Variants in RBM33 observed in about 807,000 individuals in gnomAD.
RBM33 encodes the protein RNA binding motif protein 33, also known as RNA-binding protein 33.
Under a neutral mutation model 132.6 loss-of-function variants are expected in RBM33, and 28 were observed. That is an observed-to-expected ratio of 0.21 (90% CI 0.16 to 0.29). The LOEUF (loss-of-function observed/expected upper bound fraction) is 0.29, where lower values mean the gene tolerates loss of function less well. Ranked by LOEUF, RBM33 falls within the 10% of genes least tolerant of loss-of-function variation. The probability of loss-of-function intolerance (pLI) is 1.00; values close to 1 mark genes in which losing one functional copy is unlikely to be tolerated. For missense variants in RBM33, 1,291 were observed against 1,518.5 expected, an observed-to-expected ratio of 0.85 and a Z score of 2.49; for synonymous variants, 634 against 593.0, an observed-to-expected ratio of 1.07 and a Z score of -1.01.
chr7:155,650,692 G>C (rs1026049900), intron 1 of RBM33, among the ~76,000 whole-genome samples: 2 of 152,116 alleles, frequency 1.3e-5, no homozygotes, highest in African/African-American at 4.8e-5. Flanking sequence ...AGAGCCATTT[G>C]GGTCTGGTTC....
intron 1 of RBM33, among the ~76,000 whole-genome samples, chr7:155,660,557 T>C (rs1798612702): frequency 6.6e-6 from 1 of 152,206 alleles, no homozygotes; most frequent in Non-Finnish European, 1.5e-5. Flanking sequence ...TTTGAGCACT[T>C]TGAATAGGTC....
intron 1 of RBM33, among the ~76,000 whole-genome samples, chr7:155,654,857 C>T (rs1045048857): frequency 2.0e-5 from 3 of 151,938 alleles, no homozygotes; most frequent in Admixed American, 2.0e-4. Context: ...TTTATTTGTC[C>T]TCACATTATA....
chr7:155,672,567 C>T (rs1798971434), intron 2 of RBM33, among the ~76,000 whole-genome samples: 1 of 152,018 alleles, frequency 6.6e-6, no homozygotes, highest in African/African-American at 2.4e-5. Flanking sequence ...CCAGCCTGGC[C>T]AACATGGTGA....
intron 14 of RBM33, among the ~76,000 whole-genome samples, chr7:155,763,562 C>G (rs1683873077): frequency 6.6e-6 from 1 of 152,186 alleles, no homozygotes; most frequent in Admixed American, 6.5e-5. Flanking sequence ...AATCGCAGAT[C>G]TCTTATATGA....
At chr7:155,770,824 G>A (rs567913720) in intron 16 of RBM33, among the ~76,000 whole-genome samples, 19 of 152,306 alleles carry the variant, frequency 1.2e-4, no homozygotes, top group African/African-American at 4.3e-4. Context: ...GGGAAAAGAG[G>A]CGGGTTCTGA....
chr7:155,739,592 A>G (rs913212816), intron 11 of RBM33, 123 bp from the exon 12 acceptor site: 25 of 1,074,654 alleles, frequency 2.3e-5, no homozygotes, highest in African/African-American at 1.9e-4. Flanking sequence ...CAAGTCTAAA[A>G]TGAAGTTTTG....
chr7:155,671,009 T>C (rs558642227), intron 2 of RBM33, among the ~76,000 whole-genome samples: 1 of 152,352 alleles, frequency 6.6e-6, no homozygotes, highest in Admixed American at 6.5e-5. Context: ...TTTATGACTT[T>C]GTCAGTTTGC....
In RBM33 at chr7:155,737,631, G is replaced by A. The variant is rs548110085; in HGVS notation, c.1362G>A (p.Pro454=). The A allele has an allele frequency of 1.2e-4, 106 of 854,528 alleles. 2 individuals carry two copies. The highest frequency in any genetic ancestry group is 4.9e-4 in the South Asian group (32 of 64,798). The allele number at this position is 854,528 out of a possible 1,614,324, so 52.9% of individuals were successfully genotyped here. The change falls in exon 10 of 18, where the codon CCG becomes CCA. Residue 454 remains proline, a synonymous_variant. Transcript: ENST00000401878. ...AGGACCAGTGGAGAGCCCCACCCCC[G>A]CCTCAGGATCGAGACCCTTTCTTCT... ...PLQDQWRAPP[P]PQDRDPFFLG...
At chr7:155,657,914 C>T (rs951431452) in intron 1 of RBM33, among the ~76,000 whole-genome samples, 21 of 152,194 alleles carry the variant, frequency 1.4e-4, no homozygotes, top group African/African-American at 3.1e-4. Flanking sequence ...AGTGCATCCT[C>T]TACATTTAAA....
At chr7:155,714,135 G>T (rs1446057527) in intron 8 of RBM33, among the ~76,000 whole-genome samples, 2 of 152,024 alleles carry the variant, frequency 1.3e-5, no homozygotes, top group Non-Finnish European at 2.9e-5. Context: ...TGGATTTGAG[G>T]TGAGGGCAGT....
At position 155,738,128 on chromosome 7, in the gene RBM33, C is replaced by T; in HGVS notation, c.1462C>T (p.Pro488Ser). Residue 488 changes from proline to serine, a missense_variant, in exon 11 of 18, where the codon CCT becomes TCT. This residue lies in a region of RBM33 where 841 missense variants were observed against 912.0 expected (regional missense o/e 0.92). Transcript: ENST00000401878. ...EQRSPPPPPP[P>S]PTLLNSSHPV... is the part of the protein sequence containing the mutation. Reference sequence around the variant, plus strand: ...GCGAAGTCCCCCTCCACCACCACCGCCTCCTACCCTTCTTAACAGTAGCCA... The same window carrying T: ...GCGAAGTCCCCCTCCACCACCACCGTCTCCTACCCTTCTTAACAGTAGCCA... 6.2e-7 allele frequency: 1 copy of T among 1,613,976 alleles called. No homozygotes were observed. Among genetic ancestry groups the T allele is most frequent in the Non-Finnish European group, 8.5e-7 (1 of 1,179,892 alleles).
intron 15 of RBM33, among the ~76,000 whole-genome samples, chr7:155,766,048 A>ATGCT (rs1406752294): frequency 2.0e-5 from 3 of 152,176 alleles, no homozygotes; most frequent in African/African-American, 7.2e-5. Flanking sequence ...TGTGCACAGC[A>ATGCT]GGTCCTGCTT....
intron 14 of RBM33, among the ~76,000 whole-genome samples, chr7:155,762,013 C>T (rs560128201): frequency 6.6e-6 from 1 of 152,292 alleles, no homozygotes; most frequent in African/African-American, 2.4e-5. Context: ...AGCCTAGCTT[C>T]CTAGGGGTTG....
chr7:155,673,940 GTTTTTT>G (rs71186053), intron 3 of RBM33, among the ~76,000 whole-genome samples: 1,893 of 54,200 alleles, frequency 0.035, 503 homozygotes, highest in South Asian at 0.056. Flanking sequence ...TTTAGGCTTA[GTTTTTT>G]TTTTTTTTTT....
Position 155,738,341 on chromosome 7 carries a change from C to G in RBM33, c.1675C>G (p.Gln559Glu). The change falls in exon 11 of 18, where the codon CAG becomes GAG. Residue 559 changes from glutamine to glutamate, a missense_variant. By Grantham distance (29) the Gln-to-Glu change is conservative. This residue lies in a region of RBM33 where 841 missense variants were observed against 912.0 expected (regional missense o/e 0.92). Coordinates refer to ENST00000401878, the MANE Select transcript of RBM33 (RefSeq NM_053043.3). ...ATTRPFIPPR[Q>E]PFLPGPGQPF... The stretch of plus-strand genomic sequence containing the variant: ...CACACGGCCCTTCATTCCTCCTAGA[C>G]AGCCGTTCCTGCCAGGCCCAGGACA... 1 of 1,613,998 alleles carries G rather than the reference C, an allele frequency of 6.2e-7. No individual in the cohort carries two copies. Among genetic ancestry groups the G allele is most frequent in the Non-Finnish European group, 8.5e-7 (1 of 1,179,886 alleles).
chr7:155,673,211 A>G (rs1406742239), intron 3 of RBM33, among the ~76,000 whole-genome samples: 1 of 152,144 alleles, frequency 6.6e-6, no homozygotes, highest in Non-Finnish European at 1.5e-5. Flanking sequence ...CATAACAGAA[A>G]GTCACATTTG....
At chr7:155,712,899 T>C (rs1800348129) in intron 8 of RBM33, among the ~76,000 whole-genome samples, 1 of 152,128 alleles carries the variant, frequency 6.6e-6, no homozygotes, top group African/African-American at 2.4e-5. Flanking sequence ...CTTGTGTATG[T>C]TTTAGAAGAT....
At chr7:155,742,303 G>GTTTA (rs67895994) in intron 13 of RBM33, among the ~76,000 whole-genome samples, 197 bp downstream of exon 13, 93,695 of 150,722 alleles carry the variant, frequency 0.62, 29,984 homozygotes, top group East Asian at 0.79. Context: ...CAAGATTAGA[G>GTTTA]TTTATATATT....
Position 155,644,679 on chromosome 7 carries a change from A to G in RBM33, c.-198A>G. 1 of 428,714 alleles carries G rather than the reference A, an allele frequency of 2.3e-6. No individual in the cohort carries two copies. The highest frequency in any genetic ancestry group is 4.1e-6 in the Non-Finnish European group (1 of 242,756). The allele number at this position is 428,714 out of a possible 1,614,324, so 26.6% of individuals were successfully genotyped here. ...CCGCGGCGGGCGCGGGCGCGCGGCCATGTTGCGGTAGTTTGTTGTTTTCTT... is the reference window on the plus strand; with the variant it reads ...CCGCGGCGGGCGCGGGCGCGCGGCCGTGTTGCGGTAGTTTGTTGTTTTCTT... On this transcript the variant is annotated 5_prime_UTR_variant, in exon 1 of 18. It removes an upstream start codon present in the reference 5' UTR. Coordinates refer to ENST00000401878, the MANE Select transcript of RBM33 (RefSeq NM_053043.3).
Sources: gnomAD v4.1 joint callset for allele counts (sites outside exome capture counted in the v4.1 genomes callset) on GRCh38, gnomAD v4.1.1 for gene constraint, gnomAD v4.1.1 regional missense constraint, MANE v1.5 for transcripts, NCBI Gene and HGNC (gene_info 2026-07-23, HGNC 2026-07-21) for gene names.